Variants in TM9SF4 observed in about 807,000 individuals in gnomAD.
TM9SF4 encodes dinucleotide oxidase disulfide thiol exchanger 3 superfamily member 4.
In TM9SF4, 26 loss-of-function variants were observed where a neutral mutation model predicts 90.4. The observed-to-expected ratio is 0.29, with a 90% CI of 0.21 to 0.40. The LOEUF is 0.40. Among genes scored for constraint, TM9SF4 ranks in the 10% least tolerant of loss-of-function variants. TM9SF4 has a pLI of 1.00. For missense variants in TM9SF4, 549 were observed against 834.8 expected (o/e 0.66, Z 4.22); for synonymous variants, 293 against 315.4 (o/e 0.93, Z 0.75).
At chr20:32,140,430 G>A (rs1363063209) in intron 3 of TM9SF4, among the ~76,000 whole-genome samples, 1 of 152,222 alleles carries the variant, frequency 6.6e-6, no homozygotes, top group Non-Finnish European at 1.5e-5. Context: ...TGAAGACACA[G>A]AGATAAATAG....
intron 3 of TM9SF4, among the ~76,000 whole-genome samples, chr20:32,141,021 T>C (rs910832051): frequency 1.3e-5 from 2 of 151,586 alleles, no homozygotes; most frequent in Non-Finnish European, 2.9e-5. Flanking sequence ...ATCGAGACCA[T>C]CCTGGCTAAC....
rs1013933670 is a variant in TM9SF4, at chr20:32,150,887, A to G, written c.1245+12A>G. 6.2e-7 allele frequency: 1 copy of G among 1,613,806 alleles called. No homozygotes were observed. The highest frequency in any genetic ancestry group is 1.3e-5 in the African/African-American group (1 of 74,920). ...AAGGAGCCTTCTGTGTGAGTGTCCTAAACCTTCTCTTGTTTGGTGGGAAGC... is the reference window on the plus strand; with the variant it reads ...AAGGAGCCTTCTGTGTGAGTGTCCTGAACCTTCTCTTGTTTGGTGGGAAGC... On this transcript the variant is annotated intron_variant, in intron 12 of 17. Transcript: ENST00000398022.
At chr20:32,160,645 A>T (rs1056682973) in intron 16 of TM9SF4, among the ~76,000 whole-genome samples, 1 of 152,140 alleles carries the variant, frequency 6.6e-6, no homozygotes, top group Non-Finnish European at 1.5e-5. Flanking sequence ...GGATTCATCT[A>T]TAGCACTTAG....
chr20:32,155,703 T>G (rs1224719956), intron 13 of TM9SF4, among the ~76,000 whole-genome samples: 6 of 152,086 alleles, frequency 3.9e-5, no homozygotes, highest in African/African-American at 1.4e-4. Context: ...TTGAACTCAG[T>G]TGTGGGGAGG....
rs1035665539 is a variant in TM9SF4, at chr20:32,154,481, T to C, written c.1246-622T>C. Among the ~76,000 whole-genome samples, 3 of 151,962 alleles carry C rather than the reference T, an allele frequency of 2.0e-5. No homozygotes were observed. In the East Asian group the frequency reaches 5.8e-4, roughly 29 times the overall value. On this transcript the variant is annotated intron_variant, in intron 12 of 17. Transcript: ENST00000398022. ...TTTTTTTCTTTTTTTTGAGACGGAA[T>C]CTCGCTCTGTCGCGCAGGCTGGAGT...
At position 32,165,486 on chromosome 20, in the gene TM9SF4, G is replaced by C; in HGVS notation, c.*42G>C. ...CCAAGCTTGCTCCGTCCTCGGACAG[G>C]AAGCCACCCTGCGTGGGGGACTGCA... is the stretch of plus-strand genomic sequence containing the variant. On this transcript the variant is annotated 3_prime_UTR_variant, in exon 18 of 18. Transcript: ENST00000398022. 1 of 1,606,878 alleles carries C rather than the reference G, an allele frequency of 6.2e-7. No individual in the cohort carries two copies. Among genetic ancestry groups the C allele is most frequent in the Admixed American group, 1.7e-5 (1 of 59,868 alleles).
At chr20:32,158,755 G>T (rs1403862445) in intron 15 of TM9SF4, among the ~76,000 whole-genome samples, 1 of 152,122 alleles carries the variant, frequency 6.6e-6, no homozygotes, top group Non-Finnish European at 1.5e-5. Context: ...GGCCGAGGTG[G>T]GTGGATCACA....
chr20:32,111,777 C>T (rs1056000031), intron 1 of TM9SF4, among the ~76,000 whole-genome samples: 1 of 152,044 alleles, frequency 6.6e-6, no homozygotes, highest in African/African-American at 2.4e-5. Flanking sequence ...AAGGAAATGG[C>T]AAGTGTAAGG....
chr20:32,158,462 C>T lies in TM9SF4; in HGVS notation c.1517C>T (p.Ala506Val). The change falls in exon 15 of 18, where the codon GCT (alanine) becomes GTT (valine). Residue 506 changes from alanine (A) to valine (V), a missense_variant. Coordinates refer to ENST00000398022, the MANE Select transcript of TM9SF4 (RefSeq NM_014742.4). ...YMNRFVGILM[A>V]GILPFGAMFI... Reference sequence around the variant, plus strand: ...TCGTTCTGTGGCAGCATCCTCATGGCTGGGATCTTGCCCTTCGGCGCCATG... The same window carrying T: ...TCGTTCTGTGGCAGCATCCTCATGGTTGGGATCTTGCCCTTCGGCGCCATG... 6.2e-7 allele frequency: 1 copy of T among 1,614,230 alleles called. No homozygotes were observed. The highest frequency in any genetic ancestry group is 2.2e-5 in the East Asian group (1 of 44,874).
At chr20:32,145,695 A>T (rs2122422686) in intron 8 of TM9SF4, among the ~76,000 whole-genome samples, 1 of 152,340 alleles carries the variant, frequency 6.6e-6, no homozygotes, top group Non-Finnish European at 1.5e-5. Flanking sequence ...GTTGTTGCTC[A>T]TTCTGTGCCA....
Position 32,141,603 on chromosome 20 carries a change from C to T in TM9SF4, c.336C>T (p.Thr112=), listed in dbSNP as rs1600816659. ...GCAGCCAGTCCAACAAGCCAGTGACCCTGACAGTGGAGCAGAGCCGACTCG... is the reference window on the plus strand; with the variant it reads ...GCAGCCAGTCCAACAAGCCAGTGACTCTGACAGTGGAGCAGAGCCGACTCG... The part of the protein sequence containing the change: ...VLCSQSNKPV[T]LTVEQSRLVA... Residue 112 remains threonine (T), a synonymous_variant, in exon 4 of 18, where the codon ACC becomes ACT. Transcript: ENST00000398022. The T allele has an allele frequency of 6.2e-7, 1 of 1,614,126 alleles. No individual in the cohort carries two copies. The highest frequency in any genetic ancestry group is 2.2e-5 in the East Asian group (1 of 44,884).
chr20:32,164,847 G>T (rs1370504790), intron 17 of TM9SF4, among the ~76,000 whole-genome samples: 2 of 152,186 alleles, frequency 1.3e-5, no homozygotes, highest in Non-Finnish European at 2.9e-5. Context: ...TCTGTGAGAT[G>T]CTAACAAAAG....
In TM9SF4 at chr20:32,165,678, T is replaced by C. The variant is rs1161925065; in HGVS notation, c.*234T>C. The C allele has an allele frequency of 3.8e-6, 2 of 529,622 alleles. No homozygotes were observed. Among genetic ancestry groups the C allele is most frequent in the Non-Finnish European group, 6.8e-6 (2 of 294,844 alleles). The allele number at this position is 529,622 out of a possible 1,614,324, so 32.8% of individuals were successfully genotyped here. A position where few individuals can be genotyped will look rare whatever the true frequency, so the allele number is the denominator to read the frequency against. On this transcript the variant is annotated 3_prime_UTR_variant, in exon 18 of 18. Coordinates refer to ENST00000398022, the MANE Select transcript of TM9SF4 (RefSeq NM_014742.4). ...ATGAGTTTTTTTGTGGGTTGCTTTT[T>C]CTTCAGTGCTAAGAAAGTTCCCTCC...
chr20:32,146,932 A>G, intron 9 of TM9SF4, 77 bp downstream of exon 9: 1 of 1,349,738 alleles, frequency 7.4e-7, no homozygotes, highest in Non-Finnish European at 1.0e-6. Flanking sequence ...ATGTTTGTGT[A>G]TATTATCATT....
Position 32,161,376 on chromosome 20 carries a change from C to G in TM9SF4, c.1779+11C>G. ...TATTTCGTTAACAAGGTACTGCCCTCCTTGAGGAGGTCCTCTTAGTCCTCA... is the reference window on the plus strand; with the variant it reads ...TATTTCGTTAACAAGGTACTGCCCTGCTTGAGGAGGTCCTCTTAGTCCTCA... On this transcript the variant is annotated intron_variant, in intron 17 of 17. Transcript: ENST00000398022. 2 of 1,612,768 alleles carry G rather than the reference C, an allele frequency of 1.2e-6. No homozygotes were observed. The highest frequency in any genetic ancestry group is 1.3e-5 in the African/African-American group (1 of 74,988).
At chr20:32,115,887 C>G (rs1400742635) in intron 1 of TM9SF4, among the ~76,000 whole-genome samples, 2 of 135,926 alleles carry the variant, frequency 1.5e-5, no homozygotes, top group African/African-American at 5.5e-5. Context: ...GATCTCAGCT[C>G]AGTGCATTAC....
chr20:32,144,299 A>T (rs1024802294), intron 6 of TM9SF4, among the ~76,000 whole-genome samples: 5 of 152,210 alleles, frequency 3.3e-5, no homozygotes, highest in Non-Finnish European at 7.3e-5. Context: ...GGTGCTTATT[A>T]TATGTTGTTG....
intron 1 of TM9SF4, among the ~76,000 whole-genome samples, chr20:32,122,232 G>A (rs1458485943): frequency 3.3e-5 from 3 of 90,672 alleles, no homozygotes; most frequent in Non-Finnish European, 5.1e-5. Context: ...CCTCCCGGAC[G>A]GGGCGGCTGG....
chr20:32,159,452 A>C (rs2046980720), intron 15 of TM9SF4: 1 of 154,602 alleles, frequency 6.5e-6, no homozygotes, highest in South Asian at 2.0e-4. Flanking sequence ...TGCTGAGACC[A>C]CCTCACCCAC....
Sources: gnomAD v4.1 joint callset for allele counts (sites outside exome capture counted in the v4.1 genomes callset) on GRCh38, gnomAD v4.1.1 for gene constraint, MANE v1.5 for transcripts, NCBI Gene and HGNC (gene_info 2026-07-23, HGNC 2026-07-21) for gene names.